Variants in LTBP1 observed in about 807,000 individuals in gnomAD.
The protein encoded by LTBP1 is latent-transforming growth factor beta-binding protein 1.
Under a neutral mutation model 207.6 loss-of-function variants are expected in LTBP1, and 129 were observed. The ratio of observed to expected loss-of-function variants is 0.62; its 90% CI spans 0.54 to 0.72. LTBP1 has a LOEUF of 0.72. LTBP1 is among the 30% of genes least tolerant of loss of function. The pLI, the probability that LTBP1 is intolerant of heterozygous loss-of-function variation, is 0.00. For synonymous variants in LTBP1, 963 were observed against 833.7 expected (o/e 1.16, Z -2.67); for missense variants, 2,281 against 2,217.2 (o/e 1.03, Z -0.58).
intron 3 of LTBP1, among the ~76,000 whole-genome samples, chr2:33,026,737 A>G (rs2075433507): frequency 6.6e-6 from 1 of 152,234 alleles, no homozygotes; most frequent in Admixed American, 6.5e-5. Flanking sequence ...TAAAAATTTG[A>G]ACCAATCACT....
chr2:33,160,336 A>G (rs1483572543), intron 5 of LTBP1, among the ~76,000 whole-genome samples: 1 of 152,166 alleles, frequency 6.6e-6, no homozygotes, highest in Non-Finnish European at 1.5e-5. Context: ...GCAAAACTTG[A>G]ATTTAATGGA....
At chr2:33,188,438 A>G in intron 6 of LTBP1, 139 bp from the exon 7 acceptor site, 1 of 603,934 alleles carries the variant, frequency 1.7e-6, no homozygotes, top group East Asian at 3.1e-5. Flanking sequence ...AAAAAAAAAA[A>G]AAAAAAGAAT....
intron 5 of LTBP1, among the ~76,000 whole-genome samples, chr2:33,170,176 G>C (rs1250497229): frequency 6.6e-6 from 1 of 152,270 alleles, no homozygotes; most frequent in Non-Finnish European, 1.5e-5. Flanking sequence ...GCAGTGCACC[G>C]TGCTCGAGCC....
At chr2:32,973,397 C>T (rs566019734) in intron 2 of LTBP1, among the ~76,000 whole-genome samples, 252 of 152,160 alleles carry the variant, frequency 1.7e-3, no homozygotes, top group Non-Finnish European at 3.1e-3. Flanking sequence ...ATGTAATGCT[C>T]TTTTGTGTCC....
chr2:32,995,247 T>C (rs1685072622), intron 2 of LTBP1, among the ~76,000 whole-genome samples: 1 of 151,912 alleles, frequency 6.6e-6, no homozygotes, highest in Admixed American at 6.6e-5. Context: ...ACCAGAGTGC[T>C]CCACAGCCGG....
At position 32,947,286 on chromosome 2, in the gene LTBP1, C is replaced by A. The variant is rs1572759183; in HGVS notation, c.-39C>A. The A allele has an allele frequency of 1.7e-6, 2 of 1,206,856 alleles. No homozygotes were observed. Among genetic ancestry groups the A allele is most frequent in the East Asian group, 3.4e-5 (1 of 29,190 alleles). The allele number at this position is 1,206,856 out of a possible 1,614,324, so 74.8% of individuals were successfully genotyped here. ...GAGCCGCACGGCCGGGGGAGGGGGC[C>A]GGACCGCGCGCGACCGGTCGCGCCC... On this transcript the variant is annotated 5_prime_UTR_variant, in exon 1 of 34. Coordinates refer to ENST00000404816, the MANE Select transcript of LTBP1 (RefSeq NM_206943.4).
At chr2:33,330,752 C>A (rs1182091473) in intron 24 of LTBP1, among the ~76,000 whole-genome samples, 21 of 146,170 alleles carry the variant, frequency 1.4e-4, no homozygotes, top group African/African-American at 5.4e-4. Context: ...TACAGGGACC[C>A]AGACAATATC....
At chr2:33,154,800 C>T (rs1303865394) in intron 5 of LTBP1, among the ~76,000 whole-genome samples, 1 of 152,136 alleles carries the variant, frequency 6.6e-6, no homozygotes, top group Non-Finnish European at 1.5e-5. Flanking sequence ...CGGTGGTTCA[C>T]ACTTATAATC....
chr2:33,222,212 C>T, intron 9 of LTBP1, 61 bp downstream of exon 9: 1 of 1,215,858 alleles, frequency 8.2e-7, no homozygotes, highest in Non-Finnish European at 1.2e-6. Flanking sequence ...TTAGAAACTT[C>T]AGTTGTTTGC....
At chr2:33,264,301 A>C (rs1253431872) in intron 15 of LTBP1, among the ~76,000 whole-genome samples, 2 of 151,690 alleles carry the variant, frequency 1.3e-5, no homozygotes, top group Non-Finnish European at 2.9e-5. Flanking sequence ...TTACCATTTT[A>C]CTTTTAAAAT....
At chr2:33,235,766 A>C (rs2092013960) in intron 9 of LTBP1, among the ~76,000 whole-genome samples, 1 of 152,230 alleles carries the variant, frequency 6.6e-6, no homozygotes, top group African/African-American at 2.4e-5. Context: ...ACATGGCTGA[A>C]GCTGGAAACC....
chr2:33,388,351 C>T (rs555489633), intron 31 of LTBP1, among the ~76,000 whole-genome samples: 2 of 152,286 alleles, frequency 1.3e-5, no homozygotes, highest in East Asian at 3.9e-4. Context: ...TCCAAAGGAG[C>T]TGAGATCATT....
intron 3 of LTBP1, among the ~76,000 whole-genome samples, chr2:33,031,535 A>T (rs1297164681): frequency 1.3e-5 from 2 of 152,260 alleles, no homozygotes; most frequent in African/African-American, 4.8e-5. Flanking sequence ...ATAAGCTGCT[A>T]AACTATGTGG....
chr2:33,289,845 A>G (rs1381331018), intron 19 of LTBP1, among the ~76,000 whole-genome samples: 3 of 152,166 alleles, frequency 2.0e-5, no homozygotes, highest in Non-Finnish European at 4.4e-5. Context: ...CAGAGGCATA[A>G]TCATCTCCCT....
intron 3 of LTBP1, among the ~76,000 whole-genome samples, chr2:33,057,581 G>T (rs1040164619): frequency 4.6e-5 from 7 of 152,218 alleles, no homozygotes; most frequent in African/African-American, 1.7e-4. Context: ...CCACAGGGAG[G>T]CAGCTAAGGC....
At chr2:32,991,853 G>A (rs1684470985) in intron 2 of LTBP1, among the ~76,000 whole-genome samples, 1 of 152,154 alleles carries the variant, frequency 6.6e-6, no homozygotes, top group Non-Finnish European at 1.5e-5. Context: ...ACTCCCTCAT[G>A]ACCAATCCTT....
At chr2:33,269,399 G>C (rs950110713) in intron 15 of LTBP1, among the ~76,000 whole-genome samples, 1 of 152,172 alleles carries the variant, frequency 6.6e-6, no homozygotes, top group African/African-American at 2.4e-5. Flanking sequence ...GAGGTTTTCA[G>C]GGAGCAGATA....
Position 33,259,576 on chromosome 2 carries a change from T to G in LTBP1, c.2396-12T>G. On this transcript the variant is annotated splice_polypyrimidine_tract_variant and intron_variant, in intron 12 of 33. Transcript: ENST00000404816. ...AAATGGTACTAATACCCTTTTTCTT[T>G]TCTGGTTTTAGTGGCAACTGCACCC... 2 of 1,599,398 alleles carry G rather than the reference T, an allele frequency of 1.3e-6. No individual in the cohort carries two copies. Among genetic ancestry groups the G allele is most frequent in the Non-Finnish European group, 1.7e-6 (2 of 1,173,266 alleles).
At chr2:33,167,670 G>C (rs991326086) in intron 5 of LTBP1, among the ~76,000 whole-genome samples, 14 of 152,332 alleles carry the variant, frequency 9.2e-5, no homozygotes, top group Non-Finnish European at 2.9e-5. Flanking sequence ...GAAGTAGTAA[G>C]GTGGGGAGGT....
Sources: allele counts gnomAD v4.1 joint callset (sites outside exome capture counted in the v4.1 genomes callset), GRCh38; gene constraint gnomAD v4.1.1; transcripts MANE v1.5; gene names NCBI Gene and HGNC (gene_info 2026-07-23, HGNC 2026-07-21).